The following SEMA3E variants were observed in gnomAD, a reference collection of about 807,000 sequenced individuals.
SEMA3E encodes semaphorin-3E.
In SEMA3E, 49 loss-of-function variants were observed where a neutral mutation model predicts 93.6. The ratio of observed to expected loss-of-function variants is 0.52; its 90% CI spans 0.42 to 0.66. SEMA3E has a LOEUF of 0.66. SEMA3E is among the 30% of genes least tolerant of loss of function. The probability of loss-of-function intolerance (pLI) is 0.00; values close to 1 mark genes in which losing one functional copy is unlikely to be tolerated. For synonymous variants in SEMA3E, 363 were observed against 330.7 expected (o/e 1.10, Z -1.06); for missense variants, 906 against 964.8 (o/e 0.94, Z 0.81).
At chr7:83,405,183 T>A (rs562846680) in intron 9 of SEMA3E, among the ~76,000 whole-genome samples, 2 of 152,146 alleles carry the variant, frequency 1.3e-5, no homozygotes, top group East Asian at 3.9e-4. Context: ...GTGTTCTAGA[T>A]TACAGAGTGA....
At chr7:83,477,749 T>C (rs532645693) in intron 2 of SEMA3E, among the ~76,000 whole-genome samples, 8 of 152,238 alleles carry the variant, frequency 5.3e-5, no homozygotes, top group Non-Finnish European at 1.0e-4. Context: ...GTACAAATTG[T>C]ACATAAATGC....
At chr7:83,386,553 G>T (rs1226460512) in intron 15 of SEMA3E, among the ~76,000 whole-genome samples, 3 of 152,038 alleles carry the variant, frequency 2.0e-5, no homozygotes, top group African/African-American at 7.2e-5. Flanking sequence ...AAGAGTAAAA[G>T]CTTTTTCACT....
chr7:83,376,926 G>C (rs1426750880), intron 16 of SEMA3E, among the ~76,000 whole-genome samples: 1 of 151,908 alleles, frequency 6.6e-6, no homozygotes, highest in African/African-American at 2.4e-5. Context: ...TTACCAAAGA[G>C]ATCTACAAAT....
chr7:83,442,274 A>T (rs985315048), intron 4 of SEMA3E, among the ~76,000 whole-genome samples: 1 of 152,186 alleles, frequency 6.6e-6, no homozygotes, highest in Non-Finnish European at 1.5e-5. Context: ...AATACTTTTC[A>T]ATCTCTTTTC....
intron 1 of SEMA3E, among the ~76,000 whole-genome samples, chr7:83,533,513 C>T (rs1437771010): frequency 1.3e-5 from 2 of 151,866 alleles, no homozygotes; most frequent in Non-Finnish European, 2.9e-5. Flanking sequence ...CATTGCACTA[C>T]GGCCTGGGCG....
chr7:83,417,399 A>C (rs1225419345), intron 5 of SEMA3E, among the ~76,000 whole-genome samples: 1 of 152,124 alleles, frequency 6.6e-6, no homozygotes. Flanking sequence ...AATCAAGTAT[A>C]ATATGGTTTA....
At chr7:83,554,229 C>T (rs1408664759) in intron 1 of SEMA3E, among the ~76,000 whole-genome samples, 2 of 152,186 alleles carry the variant, frequency 1.3e-5, no homozygotes, top group East Asian at 3.9e-4. Context: ...ACCAAAGTAA[C>T]AATTACTGAT....
chr7:83,574,682 AGT>A (rs1340176656), intron 1 of SEMA3E, among the ~76,000 whole-genome samples: 1 of 152,148 alleles, frequency 6.6e-6, no homozygotes, highest in Non-Finnish European at 1.5e-5. Context: ...TATAATCCTT[AGT>A]GACCACTAAG....
chr7:83,481,894 T>G (rs1790152681), intron 2 of SEMA3E, among the ~76,000 whole-genome samples: 1 of 152,184 alleles, frequency 6.6e-6, no homozygotes, highest in Admixed American at 6.5e-5. Flanking sequence ...AAATAATTAT[T>G]TAGTACCACA....
intron 1 of SEMA3E, among the ~76,000 whole-genome samples, chr7:83,491,599 G>A (rs1030361256): frequency 1.3e-5 from 2 of 151,918 alleles, no homozygotes; most frequent in African/African-American, 4.8e-5. Context: ...CTGAGAATAA[G>A]TTTTGAGGGT....
intron 16 of SEMA3E, among the ~76,000 whole-genome samples, chr7:83,375,180 A>G (rs563387800): frequency 9.2e-5 from 14 of 152,154 alleles, no homozygotes; most frequent in Non-Finnish European, 1.9e-4. Context: ...CTGTACAACA[A>G]CTATAATTGA....
At chr7:83,431,085 GAAAAAAAAGAAAAAAAAA>G (rs1360526471) in intron 4 of SEMA3E, among the ~76,000 whole-genome samples, 1 of 4,798 alleles carries the variant, frequency 2.1e-4, no homozygotes, top group Non-Finnish European at 6.6e-4. Flanking sequence ...CCAAAAAAAA[GAAAAAAAAGAAAAAAAAA>G]AAAAGCCCAA....
chr7:83,455,136 A>G (rs1789455065), intron 4 of SEMA3E, among the ~76,000 whole-genome samples: 1 of 152,236 alleles, frequency 6.6e-6, no homozygotes, highest in East Asian at 1.9e-4. Flanking sequence ...GAGGCAAAAT[A>G]TATTTGCATG....
At chr7:83,645,523 C>T (rs1279930024) in intron 1 of SEMA3E, among the ~76,000 whole-genome samples, 1 of 151,936 alleles carries the variant, frequency 6.6e-6, no homozygotes, top group Non-Finnish European at 1.5e-5. Flanking sequence ...TTATGTATTG[C>T]TTCAACAAGA....
chr7:83,371,646 G>C (rs1209816895), intron 16 of SEMA3E: 1 of 151,978 alleles, frequency 6.6e-6, no homozygotes, highest in Non-Finnish European at 1.5e-5. Flanking sequence ...CACTTTTAAG[G>C]GCAGGTGGTG....
chr7:83,543,211 A>G (rs1374035992), intron 1 of SEMA3E, among the ~76,000 whole-genome samples: 1 of 152,078 alleles, frequency 6.6e-6, no homozygotes, highest in East Asian at 1.9e-4. Context: ...GGAAGCAGAA[A>G]AAACAGATGT....
chr7:83,494,251 C>T (rs1380064135), intron 1 of SEMA3E, among the ~76,000 whole-genome samples: 1 of 151,162 alleles, frequency 6.6e-6, no homozygotes, highest in East Asian at 1.9e-4. Context: ...CCTCAGCCTT[C>T]CCAAAATCCA....
chr7:83,387,132 A>G, intron 14 of SEMA3E, 82 bp from the exon 15 acceptor site: 1 of 1,124,506 alleles, frequency 8.9e-7, no homozygotes, highest in Non-Finnish European at 1.3e-6. Context: ...TTTCATATAC[A>G]AGTAGTATTC....
In SEMA3E at chr7:83,406,905, G is replaced by A. The variant is rs2709940; in HGVS notation, c.813+192C>T. Among the ~76,000 whole-genome samples the A allele has an allele frequency of 0.51, 76,921 of 151,916 alleles. 22,371 individuals carry two copies. The highest frequency in any genetic ancestry group is 0.85 in the East Asian group (4,381 of 5,162). On this transcript the variant is annotated intron_variant, in intron 7 of 16. Coordinates refer to ENST00000643230, the MANE Select transcript of SEMA3E (RefSeq NM_012431.3). The stretch of plus-strand genomic sequence containing the variant: ...TAGCTTCAAAAATGGGGAAAATCAT[G>A]CAAAATACAAGGTCCTTTTAAGATA...
Sources: gnomAD v4.1 joint callset for allele counts (sites outside exome capture counted in the v4.1 genomes callset) on GRCh38, gnomAD v4.1.1 for gene constraint, MANE v1.5 for transcripts, NCBI Gene and HGNC (gene_info 2026-07-23, HGNC 2026-07-21) for gene names.